Variants in PHACTR1 observed in about 807,000 individuals in gnomAD.
PHACTR1 encodes RPEL repeat containing 1.
A neutral mutation model predicts 69.2 loss-of-function variants in PHACTR1; 16 were observed. That is an observed-to-expected ratio of 0.23 (90% CI 0.16 to 0.35). The LOEUF (loss-of-function observed/expected upper bound fraction) is 0.35, where lower values mean the gene tolerates loss of function less well. PHACTR1 is among the 10% of genes least tolerant of loss of function. PHACTR1 has a pLI of 1.00. For missense variants in PHACTR1, 510 were observed against 734.7 expected (o/e 0.69, Z 3.54); for synonymous variants, 312 against 284.5 (o/e 1.10, Z -0.97).
intron 10 of PHACTR1, among the ~76,000 whole-genome samples, chr6:13,252,571 C>G (rs776537787): frequency 6.6e-6 from 1 of 151,364 alleles, no homozygotes; most frequent in Non-Finnish European, 1.5e-5. Flanking sequence ...AAATACAAAT[C>G]TACACTGGTT....
chr6:13,106,604 A>G (rs1279515368), intron 5 of PHACTR1, among the ~76,000 whole-genome samples: 3 of 152,106 alleles, frequency 2.0e-5, no homozygotes, highest in Non-Finnish European at 4.4e-5. Context: ...CAGCCTCCTA[A>G]GGAGCTGGGA....
At chr6:12,750,073 C>T (rs1335003508) in intron 4 of PHACTR1, among the ~76,000 whole-genome samples, 1 of 152,164 alleles carries the variant, frequency 6.6e-6, no homozygotes, top group East Asian at 1.9e-4. Context: ...GGGAATAACC[C>T]GGAGCCCGGG....
chr6:13,224,691 T>C lies in PHACTR1; in HGVS notation c.987-3125T>C, dbSNP rs531894746. Among the ~76,000 whole-genome samples the C allele has an allele frequency of 5.3e-5, 8 of 152,278 alleles. No homozygotes were observed. The East Asian group carries it at 1.4e-3, about 26-fold the overall frequency. On this transcript the variant is annotated intron_variant, in intron 8 of 14. Coordinates refer to ENST00000332995, the MANE Select transcript of PHACTR1 (RefSeq NM_030948.6). ...TCATAAGATGCTGCATTTGAGTTGA[T>C]TTGGTTCTTTGCCTCAAATAGTACA...
chr6:13,014,041 A>C (rs1436220906), intron 4 of PHACTR1, among the ~76,000 whole-genome samples: 1 of 151,866 alleles, frequency 6.6e-6, no homozygotes, highest in African/African-American at 2.4e-5. Context: ...CCCGCCCCCA[A>C]CAACAACAAC....
intron 6 of PHACTR1, among the ~76,000 whole-genome samples, chr6:13,176,177 T>G (rs1216997686): frequency 6.6e-6 from 1 of 152,226 alleles, no homozygotes; most frequent in Non-Finnish European, 1.5e-5. Context: ...AATTTTTTTG[T>G]ATTTTTAAAA....
intron 4 of PHACTR1, among the ~76,000 whole-genome samples, chr6:12,751,813 A>C (rs576941345): frequency 5.3e-5 from 8 of 152,354 alleles, no homozygotes; most frequent in African/African-American, 1.7e-4. Flanking sequence ...GAAAGACACC[A>C]GTAAGAGAGA....
At chr6:12,960,854 C>T (rs1451523152) in intron 4 of PHACTR1, among the ~76,000 whole-genome samples, 1 of 152,190 alleles carries the variant, frequency 6.6e-6, no homozygotes, top group South Asian at 2.1e-4. Context: ...ATCTACTACC[C>T]TTAAATGGCC....
intron 5 of PHACTR1, among the ~76,000 whole-genome samples, chr6:13,065,739 C>T (rs1156460620): frequency 1.3e-5 from 2 of 151,980 alleles, no homozygotes; most frequent in East Asian, 3.9e-4. Context: ...GAAACATCAG[C>T]AAAGTGACTG....
intron 3 of PHACTR1, 187 bp from the exon 4 acceptor site, chr6:12,749,457 C>A (rs1395755207): frequency 1.5e-6 from 1 of 677,406 alleles, no homozygotes; most frequent in South Asian, 1.5e-5. Context: ...CCCTTTCTCT[C>A]CTTTGCTCTC....
In PHACTR1 at chr6:13,179,303, T is replaced by C. The variant is rs1373709654; in HGVS notation, c.497-3216T>C. Among the ~76,000 whole-genome samples, 1 of 151,988 alleles carries C rather than the reference T, an allele frequency of 6.6e-6. No individual in the cohort carries two copies. The highest frequency in any genetic ancestry group is 1.5e-5 in the Non-Finnish European group (1 of 68,004). On this transcript the variant is annotated intron_variant, in intron 6 of 14. Coordinates refer to ENST00000332995, the MANE Select transcript of PHACTR1 (RefSeq NM_030948.6). This position sits in a 1 kb window ranked among gnomAD's most constrained non-coding sequence, Gnocchi z 4.2. ...TATAAATAGCAGGACATGGAGAGAC[T>C]AGTCTTCAAATTCATAACACTTGGA...
rs999831471 is a variant in PHACTR1, at chr6:13,283,305, C to T, written c.1510-117C>T. 9.5e-6 allele frequency: 8 copies of T among 838,744 alleles called. No individual in the cohort carries two copies. The highest frequency in any genetic ancestry group is 7.4e-5 in the South Asian group (5 of 68,024). The allele number at this position is 838,744 out of a possible 1,614,324, so 52.0% of individuals were successfully genotyped here. On this transcript the variant is annotated intron_variant, in intron 12 of 14. Transcript: ENST00000332995. This position sits in a 1 kb window ranked among gnomAD's most constrained non-coding sequence, Gnocchi z 4.7. ...CTGCCCCTGCCCCTCACTCACTATG[C>T]GATGCATCCATCGCCTCACTGAACC...
At chr6:13,144,612 G>GTGA (rs903050119) in intron 5 of PHACTR1, among the ~76,000 whole-genome samples, 6 of 151,634 alleles carry the variant, frequency 4.0e-5, no homozygotes, top group African/African-American at 1.5e-4. Context: ...TAAAATATGT[G>GTGA]TGAATTAGCC....
chr6:13,247,918 A>T (rs530774408), intron 10 of PHACTR1, among the ~76,000 whole-genome samples: 1 of 152,292 alleles, frequency 6.6e-6, no homozygotes, highest in East Asian at 1.9e-4. Flanking sequence ...ACCATCGACA[A>T]ATTTGGTTCA....
chr6:13,088,664 C>G (rs973607806), intron 5 of PHACTR1, among the ~76,000 whole-genome samples: 1 of 152,074 alleles, frequency 6.6e-6, no homozygotes. Flanking sequence ...TTGTTTTGAC[C>G]CTAGTTTCTG....
chr6:13,133,494 G>C (rs992072383), intron 5 of PHACTR1, among the ~76,000 whole-genome samples: 1 of 151,888 alleles, frequency 6.6e-6, no homozygotes, highest in Non-Finnish European at 1.5e-5. Context: ...ACGGGGTTTC[G>C]CCGTGTTGGC....
chr6:13,173,397 A>T (rs1303247512), intron 6 of PHACTR1, among the ~76,000 whole-genome samples: 1 of 152,210 alleles, frequency 6.6e-6, no homozygotes, highest in African/African-American at 2.4e-5. Flanking sequence ...CTCTACATTT[A>T]AAATTCCTTA....
At chr6:13,143,320 A>G (rs1038749204) in intron 5 of PHACTR1, among the ~76,000 whole-genome samples, 40 of 152,250 alleles carry the variant, frequency 2.6e-4, no homozygotes, top group African/African-American at 9.2e-4. Context: ...TAAATGCTTG[A>G]GGTGATAGAT....
At position 13,283,856 on chromosome 6, in the gene PHACTR1, G is replaced by A; in HGVS notation, c.1650+294G>A. 2.5e-6 allele frequency: 1 copy of A among 397,202 alleles called. No homozygotes were observed. The highest frequency in any genetic ancestry group is 4.7e-6 in the Non-Finnish European group (1 of 212,428). 24.6% of individuals were successfully genotyped at this position (397,202 alleles called of 1,614,324 possible). ...GAATAGCACTGGATAGGTGTAGACA[G>A]GTGAAGGCAAGAGGCTCCAGGCTCA... On this transcript the variant is annotated intron_variant, in intron 13 of 14. Coordinates refer to ENST00000332995, the MANE Select transcript of PHACTR1 (RefSeq NM_030948.6). This position sits in a 1 kb window ranked among gnomAD's most constrained non-coding sequence, Gnocchi z 4.7.
chr6:13,205,935 C>G lies in PHACTR1; in HGVS notation c.785C>G (p.Thr262Arg). The G allele has an allele frequency of 6.2e-7, 1 of 1,614,050 alleles. No individual in the cohort carries two copies. Among genetic ancestry groups the G allele is most frequent in the South Asian group, 1.1e-5 (1 of 91,088 alleles). The change falls in exon 8 of 15, where the codon ACA becomes AGA. Residue 262 changes from threonine (T) to arginine (R), a missense_variant. Thr to Arg is a moderately conservative substitution (Grantham distance 71). Transcript: ENST00000332995. ...GGPDLSLVSY[T>R]AQKSGQQGVA... is the part of the protein sequence containing the mutation. ...CCAGACCTCTCACTGGTGTCCTACA[C>G]AGCCCAGAAGAGTGGCCAGCAGGGT...
Sources: gnomAD v4.1 joint callset for allele counts (sites outside exome capture counted in the v4.1 genomes callset) on GRCh38, gnomAD v4.1.1 for gene constraint, Gnocchi (gnomAD v3.1) non-coding constraint, MANE v1.5 for transcripts, NCBI Gene and HGNC (gene_info 2026-07-23, HGNC 2026-07-21) for gene names.